The following INTS4 variants were observed in gnomAD, a reference collection of about 807,000 sequenced individuals.
INTS4 encodes MSTP093.
INTS4 carries 70 observed loss-of-function variants against 119.5 expected under a neutral mutation model. The ratio of observed to expected loss-of-function variants is 0.59; its 90% CI spans 0.48 to 0.71. INTS4 has a LOEUF of 0.71. Ranked by LOEUF, INTS4 falls within the 30% of genes least tolerant of loss-of-function variation. INTS4 has a pLI of 0.00. For missense variants in INTS4, 867 were observed against 1,173.2 expected, an observed-to-expected ratio of 0.74 and a Z score of 3.81; for synonymous variants, 316 against 419.6, an observed-to-expected ratio of 0.75 and a Z score of 3.02.
At chr11:77,936,273 C>T (rs1953789177) in intron 10 of INTS4, among the ~76,000 whole-genome samples, 1 of 151,970 alleles carries the variant, frequency 6.6e-6, no homozygotes, top group Non-Finnish European at 1.5e-5. Flanking sequence ...AAATAATAGT[C>T]CTAGTAAACA....
chr11:77,980,688 G>C (rs1180150329), intron 3 of INTS4, among the ~76,000 whole-genome samples: 2 of 152,106 alleles, frequency 1.3e-5, no homozygotes, highest in Non-Finnish European at 2.9e-5. Flanking sequence ...GCCTGTTTTA[G>C]TGCTTTTAAA....
intron 8 of INTS4, among the ~76,000 whole-genome samples, chr11:77,950,944 T>G (rs568325273): frequency 1.4e-5 from 2 of 144,900 alleles, no homozygotes; most frequent in African/African-American, 5.1e-5. Context: ...CATTGTTCAA[T>G]TCCCACCTAT....
At chr11:77,979,128 T>C in intron 3 of INTS4, 26 bp from the exon 4 acceptor site, 1 of 1,458,776 alleles carries the variant, frequency 6.9e-7, no homozygotes, top group East Asian at 2.3e-5. Flanking sequence ...GAAAGTTGGC[T>C]TGTAGAATTT....
At chr11:77,981,190 C>CAAAAAAAAAAAAAAAAAAAAGAA (rs35194381) in intron 3 of INTS4, among the ~76,000 whole-genome samples, 2 of 88,860 alleles carry the variant, frequency 2.3e-5, no homozygotes, top group African/African-American at 4.2e-5. Flanking sequence ...AACAAACAAG[C>CAAAAAAAAAAAAAAAAAAAAGAA]AAAAAAAAAA....
chr11:77,891,555 G>C, intron 20 of INTS4, 93 bp from the exon 21 acceptor site: 1 of 1,563,256 alleles, frequency 6.4e-7, no homozygotes, highest in South Asian at 1.2e-5. Flanking sequence ...CTAATGAGTG[G>C]GCATGTGGGA....
intron 11 of INTS4, 45 bp from the exon 12 acceptor site, chr11:77,924,937 C>G (rs770482855): frequency 6.1e-6 from 9 of 1,473,250 alleles, no homozygotes; most frequent in Non-Finnish European, 8.4e-6. Context: ...TGTTGGTTAG[C>G]AGACTCAGCC....
intron 22 of INTS4, 95 bp from the exon 23 acceptor site, chr11:77,879,222 A>G: frequency 2.2e-6 from 3 of 1,373,792 alleles, no homozygotes; most frequent in Non-Finnish European, 3.0e-6. Context: ...TGGAAGCAGT[A>G]GGGAGAAATT....
At chr11:77,987,505 G>T in intron 2 of INTS4, 2 of 342,978 alleles carry the variant, frequency 5.8e-6, no homozygotes, top group Non-Finnish European at 1.2e-5. Context: ...AATAATGGTA[G>T]ATATTGCTAA....
chr11:77,923,624 AATAACTAAC>A (rs1465686953), intron 12 of INTS4, among the ~76,000 whole-genome samples: 1 of 152,164 alleles, frequency 6.6e-6, no homozygotes, highest in Non-Finnish European at 1.5e-5. Context: ...ATACGCATTA[AATAACTAAC>A]ATAAAGTACT....
At chr11:77,932,814 C>T (rs1252704657) in intron 10 of INTS4, among the ~76,000 whole-genome samples, 2 of 152,022 alleles carry the variant, frequency 1.3e-5, no homozygotes, top group Non-Finnish European at 2.9e-5. Flanking sequence ...AGGGACATGG[C>T]TGAAGCTGGA....
At chr11:77,910,835 T>C (rs1002595867) in intron 15 of INTS4, 6 of 370,292 alleles carry the variant, frequency 1.6e-5, no homozygotes, top group Non-Finnish European at 3.0e-5. Flanking sequence ...CTTTGCTTTC[T>C]TCTTTTTTAG....
At position 77,888,576 on chromosome 11, in the gene INTS4, G is replaced by C. The variant is rs150623054; in HGVS notation, c.2592+2743C>G. Among the ~76,000 whole-genome samples, 438 of 152,244 alleles carry C rather than the reference G, an allele frequency of 2.9e-3. 5 individuals are homozygous for C. The highest frequency in any genetic ancestry group is 0.01 in the African/African-American group (422 of 41,538). ...AACAAAGGCCAAAATTGAGAAATGGGATCTAATTAAACTAAAGAGCTTCTG... is the reference window on the plus strand; with the variant it reads ...AACAAAGGCCAAAATTGAGAAATGGCATCTAATTAAACTAAAGAGCTTCTG... On this transcript the variant is annotated intron_variant, in intron 21 of 22. Coordinates refer to ENST00000534064, the MANE Select transcript of INTS4 (RefSeq NM_033547.4).
chr11:77,931,492 C>T (rs1269029686), intron 10 of INTS4, among the ~76,000 whole-genome samples: 2 of 152,108 alleles, frequency 1.3e-5, no homozygotes, highest in East Asian at 1.9e-4. Context: ...ATTTGTAACA[C>T]GAAGGATAAA....
chr11:77,949,917 C>T (rs1241573410), intron 8 of INTS4, among the ~76,000 whole-genome samples: 9 of 152,120 alleles, frequency 5.9e-5, no homozygotes, highest in African/African-American at 9.7e-5. Context: ...CACATGCACA[C>T]GTATGTTTAT....
intron 10 of INTS4, among the ~76,000 whole-genome samples, chr11:77,932,651 T>C (rs987473351): frequency 6.6e-6 from 1 of 152,120 alleles, no homozygotes; most frequent in Non-Finnish European, 1.5e-5. Context: ...TAAGAACACA[T>C]GCACACATAT....
At chr11:77,952,612 T>C (rs531648766) in intron 8 of INTS4, among the ~76,000 whole-genome samples, 1 of 152,310 alleles carries the variant, frequency 6.6e-6, no homozygotes, top group South Asian at 2.1e-4. Context: ...AGAATGATTA[T>C]TTTTTCTGAA....
chr11:77,939,513 A>T (rs1458761120), intron 9 of INTS4, among the ~76,000 whole-genome samples: 1 of 152,180 alleles, frequency 6.6e-6, no homozygotes, highest in Non-Finnish European at 1.5e-5. Context: ...TATTTCAGCT[A>T]CAGTACAGTC....
intron 12 of INTS4, among the ~76,000 whole-genome samples, chr11:77,924,243 A>AC (rs1369879320): frequency 6.6e-6 from 1 of 150,942 alleles, no homozygotes; most frequent in Non-Finnish European, 1.5e-5. Context: ...AAAAAAAAAA[A>AC]CAAAAATTAG....
intron 10 of INTS4, among the ~76,000 whole-genome samples, chr11:77,936,697 G>C (rs769827620): frequency 1.3e-5 from 2 of 151,974 alleles, no homozygotes; most frequent in Admixed American, 6.6e-5. Context: ...ATCTTGCAAC[G>C]CTCAAAGACA....
Sources: allele counts gnomAD v4.1 joint callset (sites outside exome capture counted in the v4.1 genomes callset), GRCh38; gene constraint gnomAD v4.1.1; transcripts MANE v1.5; gene names NCBI Gene and HGNC (gene_info 2026-07-23, HGNC 2026-07-21).